The following CERS3 variants were observed in gnomAD, a reference collection of about 807,000 sequenced individuals.
The protein encoded by CERS3 is ceramide synthase 3.
CERS3 carries 33 observed loss-of-function variants against 50.3 expected under a neutral mutation model. The ratio of observed to expected loss-of-function variants is 0.66; its 90% CI spans 0.50 to 0.88. CERS3 has a LOEUF of 0.88. CERS3 is among the 40% of genes least tolerant of loss of function. CERS3 has a pLI of 0.00. For synonymous variants in CERS3, 176 were observed against 155.2 expected (o/e 1.13, Z -0.99); for missense variants, 470 against 460.3 (o/e 1.02, Z -0.19).
At chr15:100,468,686 G>T (rs2034864032) in intron 10 of CERS3, among the ~76,000 whole-genome samples, 1 of 152,072 alleles carries the variant, frequency 6.6e-6, no homozygotes, top group Non-Finnish European at 1.5e-5. Context: ...TTCCCCACAT[G>T]TTACTCTGGT....
chr15:100,481,426 C>T (rs1272684817), intron 5 of CERS3, among the ~76,000 whole-genome samples: 1 of 152,172 alleles, frequency 6.6e-6, no homozygotes, highest in Non-Finnish European at 1.5e-5. Flanking sequence ...ATTTGATTTG[C>T]TAAGAGCATT....
At position 100,423,572 on chromosome 15, in the gene CERS3, G is replaced by A. The variant is rs1319280278; in HGVS notation, c.1000-20707C>T. Among the ~76,000 whole-genome samples the A allele has an allele frequency of 4.6e-5, 7 of 152,230 alleles. No individual in the cohort carries two copies. The South Asian group carries it at 1.2e-3, about 27-fold the overall frequency. On this transcript the variant is annotated intron_variant, in intron 11 of 11. Transcript: ENST00000679737. Reference sequence around the variant, plus strand: ...TTACAACACACATGGACACAAAGAGGGGTACAACAGACACTAGGTCCTACT... The same window carrying A: ...TTACAACACACATGGACACAAAGAGAGGTACAACAGACACTAGGTCCTACT...
Position 100,402,462 on chromosome 15 carries a change from C to T in CERS3, c.*251G>A, listed in dbSNP as rs759182177. 1.9e-4 allele frequency: 90 copies of T among 477,130 alleles called. No homozygotes were observed. The highest frequency in any genetic ancestry group is 1.9e-4 in the Non-Finnish European group (51 of 268,046). The allele number at this position is 477,130 out of a possible 1,614,324, so 29.6% of individuals were successfully genotyped here. ...TGAGGGAGTGCAATTAGAACTGAGA[C>T]GGTTCTGTGGAGAAATCTTTGAAAT... On this transcript the variant is annotated 3_prime_UTR_variant, in exon 12 of 12. Transcript: ENST00000679737.
intron 1 of CERS3, among the ~76,000 whole-genome samples, chr15:100,527,922 T>C (rs2036842028): frequency 6.6e-6 from 1 of 152,180 alleles, no homozygotes; most frequent in South Asian, 2.1e-4. Context: ...AAATTATAAA[T>C]GGAAACCCCT....
At chr15:100,518,623 G>A (rs950366830) in intron 2 of CERS3, among the ~76,000 whole-genome samples, 27 of 152,030 alleles carry the variant, frequency 1.8e-4, no homozygotes, top group African/African-American at 5.6e-4. Context: ...CAATTTTCAC[G>A]TCATCTCTCT....
intron 1 of CERS3, among the ~76,000 whole-genome samples, chr15:100,536,837 T>G (rs1157053785): frequency 6.6e-6 from 1 of 152,154 alleles, no homozygotes; most frequent in Non-Finnish European, 1.5e-5. Flanking sequence ...ATAGGAGGAA[T>G]AAGGAGGTAA....
At chr15:100,416,038 A>G (rs1180842966) in intron 11 of CERS3, among the ~76,000 whole-genome samples, 1 of 152,218 alleles carries the variant, frequency 6.6e-6, no homozygotes, top group Non-Finnish European at 1.5e-5. Context: ...GGAAAAGTCA[A>G]TATTGTTAAA....
chr15:100,507,565 C>T (rs1291930949), intron 2 of CERS3, among the ~76,000 whole-genome samples: 1 of 152,228 alleles, frequency 6.6e-6, no homozygotes, highest in African/African-American at 2.4e-5. Flanking sequence ...CTTTCAGAGT[C>T]ACATTTACCT....
intron 11 of CERS3, among the ~76,000 whole-genome samples, chr15:100,453,659 G>T (rs936419774): frequency 2.6e-5 from 4 of 152,146 alleles, no homozygotes; most frequent in Admixed American, 1.3e-4. Context: ...GAGCAATCAG[G>T]CAAGAGACAA....
At chr15:100,416,908 G>A (rs1050824832) in intron 11 of CERS3, among the ~76,000 whole-genome samples, 2 of 152,034 alleles carry the variant, frequency 1.3e-5, no homozygotes, top group Non-Finnish European at 2.9e-5. Flanking sequence ...TAAAAAACGG[G>A]CAAAAGACAA....
chr15:100,481,907 C>A (rs1229365505), intron 5 of CERS3, among the ~76,000 whole-genome samples: 1 of 152,192 alleles, frequency 6.6e-6, no homozygotes, highest in African/African-American at 2.4e-5. Flanking sequence ...TTTTTCCTGT[C>A]ATTCTCTCAC....
chr15:100,460,942 A>G (rs965276116), intron 10 of CERS3, among the ~76,000 whole-genome samples: 2 of 152,226 alleles, frequency 1.3e-5, no homozygotes, highest in African/African-American at 2.4e-5. Context: ...TCAAGTGGGA[A>G]GCATCATGGA....
intron 4 of CERS3, among the ~76,000 whole-genome samples, 200 bp from the exon 5 acceptor site, chr15:100,484,868 T>C (rs1422154425): frequency 2.6e-5 from 4 of 152,176 alleles, no homozygotes; most frequent in African/African-American, 9.7e-5. Context: ...AAAATGTTAC[T>C]ATCCCAGCTC....
At chr15:100,426,632 A>G (rs569381741) in intron 11 of CERS3, among the ~76,000 whole-genome samples, 1 of 152,338 alleles carries the variant, frequency 6.6e-6, no homozygotes, top group South Asian at 2.1e-4. Flanking sequence ...TGAAAGAGTG[A>G]ATGAATTAAT....
At chr15:100,451,957 A>T (rs1202439977) in intron 11 of CERS3, among the ~76,000 whole-genome samples, 1 of 152,238 alleles carries the variant, frequency 6.6e-6, no homozygotes, top group Non-Finnish European at 1.5e-5. Flanking sequence ...TGTGTAGCCA[A>T]CAATAGAGCA....
At chr15:100,465,285 A>G (rs773990622) in intron 10 of CERS3, among the ~76,000 whole-genome samples, 1 of 152,202 alleles carries the variant, frequency 6.6e-6, no homozygotes. Flanking sequence ...TGCTTGCTCC[A>G]TAGTAAAATC....
intron 11 of CERS3, among the ~76,000 whole-genome samples, chr15:100,407,024 C>T (rs558772256): frequency 4.1e-4 from 62 of 152,192 alleles, no homozygotes; most frequent in Admixed American, 1.2e-3. Context: ...GAGAACAGCA[C>T]GGGAAAGACC....
chr15:100,482,130 T>G (rs2035322264), intron 5 of CERS3, among the ~76,000 whole-genome samples: 1 of 152,242 alleles, frequency 6.6e-6, no homozygotes, highest in Non-Finnish European at 1.5e-5. Context: ...GTTGGAGAAT[T>G]GCTGCACTTC....
In CERS3 at chr15:100,476,177, G is replaced by T. The variant is rs1162723470; in HGVS notation, c.518C>A (p.Pro173His). The change falls in exon 8 of 12, where the codon CCC becomes CAC. Residue 173 changes from proline to histidine, a missense_variant and splice_region_variant. Coordinates refer to ENST00000679737, the MANE Select transcript of CERS3 (RefSeq NM_001378789.1). ...WEVWNGYPKQ[P>H]LLPSQYWYYI... ...GTACCAGTACTGGGATGGCAGCAGG[G>T]GCTGAGGAAAAGAAGAGTATTCATT... The T allele has an allele frequency of 3.2e-6, 5 of 1,558,038 alleles. No individual in the cohort carries two copies. In the South Asian group the frequency reaches 4.9e-5, roughly 15 times the overall value.
Sources: gnomAD v4.1 joint callset for allele counts (sites outside exome capture counted in the v4.1 genomes callset) on GRCh38, gnomAD v4.1.1 for gene constraint, MANE v1.5 for transcripts, NCBI Gene and HGNC (gene_info 2026-07-23, HGNC 2026-07-21) for gene names.